Variants in FMNL2 observed in about 807,000 individuals in gnomAD.
FMNL2 encodes the protein formin like 2.
A neutral mutation model predicts 130.2 loss-of-function variants in FMNL2; 51 were observed. That is an observed-to-expected ratio of 0.39 (90% CI 0.31 to 0.49). FMNL2 has a LOEUF of 0.49. Ranked by LOEUF, FMNL2 falls within the 20% of genes least tolerant of loss-of-function variation. The pLI, the probability that FMNL2 is intolerant of heterozygous loss-of-function variation, is 0.85. For missense variants in FMNL2, 977 were observed against 1,316.2 expected (o/e 0.74, Z 3.99); for synonymous variants, 465 against 467.1 (o/e 1.00, Z 0.06).
intron 1 of FMNL2, among the ~76,000 whole-genome samples, chr2:152,345,754 C>T (rs1682083641): frequency 6.6e-6 from 1 of 152,198 alleles, no homozygotes; most frequent in African/African-American, 2.4e-5. Flanking sequence ...ACCATAAAGT[C>T]ACTCTACACC....
intron 6 of FMNL2, among the ~76,000 whole-genome samples, chr2:152,563,868 T>G (rs1407326687): frequency 3.9e-5 from 6 of 152,160 alleles, no homozygotes; most frequent in Non-Finnish European, 8.8e-5. Context: ...GCTTCTCCCC[T>G]CTTGCCTCTG....
intron 1 of FMNL2, among the ~76,000 whole-genome samples, chr2:152,443,854 A>C (rs1322724739): frequency 6.6e-6 from 1 of 152,128 alleles, no homozygotes; most frequent in Admixed American, 6.5e-5. Flanking sequence ...AAAAAGAAAA[A>C]AAGAAAAAAA....
At chr2:152,556,460 T>C (rs1048193016) in intron 4 of FMNL2, among the ~76,000 whole-genome samples, 4 of 151,820 alleles carry the variant, frequency 2.6e-5, no homozygotes, top group African/African-American at 9.7e-5. Flanking sequence ...GCCCTTTCAC[T>C]CAAAGTCAGG....
chr2:152,492,001 G>A (rs1035468587), intron 1 of FMNL2, among the ~76,000 whole-genome samples: 2 of 152,286 alleles, frequency 1.3e-5, no homozygotes, highest in African/African-American at 4.8e-5. Context: ...GTTATACTGA[G>A]CTAAAGTATA....
At chr2:152,485,087 G>A (rs1045852464) in intron 1 of FMNL2, among the ~76,000 whole-genome samples, 5 of 152,166 alleles carry the variant, frequency 3.3e-5, no homozygotes, top group Admixed American at 3.3e-4. Context: ...GCTGGGCATG[G>A]TGGCTCCCAG....
At chr2:152,398,012 C>T (rs760862727) in intron 1 of FMNL2, among the ~76,000 whole-genome samples, 27 of 152,250 alleles carry the variant, frequency 1.8e-4, no homozygotes, top group Non-Finnish European at 2.8e-4. Flanking sequence ...GTAATCCCAG[C>T]CTTGGGAGGC....
At chr2:152,396,656 A>T (rs775496709) in intron 1 of FMNL2, among the ~76,000 whole-genome samples, 5 of 152,068 alleles carry the variant, frequency 3.3e-5, no homozygotes, top group African/African-American at 4.8e-5. Context: ...TCCAGTTAAC[A>T]AGTATGTTTT....
intron 1 of FMNL2, among the ~76,000 whole-genome samples, chr2:152,468,979 G>A (rs1222723572): frequency 6.6e-6 from 1 of 152,176 alleles, no homozygotes; most frequent in Non-Finnish European, 1.5e-5. Flanking sequence ...CATACACAAT[G>A]CTTTATAGCC....
intron 8 of FMNL2, among the ~76,000 whole-genome samples, chr2:152,579,994 G>A (rs557621391): frequency 1.3e-5 from 2 of 152,260 alleles, no homozygotes; most frequent in South Asian, 2.1e-4. Flanking sequence ...AATGCAACAC[G>A]AACTATCAAG....
intron 15 of FMNL2, chr2:152,622,482 C>A: frequency 2.2e-6 from 1 of 456,718 alleles, no homozygotes; most frequent in Non-Finnish European, 4.4e-6. Flanking sequence ...CCACTTGACT[C>A]TAACCATATC....
chr2:152,550,927 C>T (rs1254892535), intron 4 of FMNL2, among the ~76,000 whole-genome samples: 1 of 152,004 alleles, frequency 6.6e-6, no homozygotes, highest in Non-Finnish European at 1.5e-5. Context: ...CACCTGAGGT[C>T]AGGAGTTCGA....
At chr2:152,633,053 A>G (rs1225643353) in intron 21 of FMNL2, among the ~76,000 whole-genome samples, 1 of 151,084 alleles carries the variant, frequency 6.6e-6, no homozygotes, top group Admixed American at 6.6e-5. Flanking sequence ...AAGATTTCTC[A>G]TACTGTATTA....
intron 1 of FMNL2, among the ~76,000 whole-genome samples, chr2:152,479,865 C>G (rs1012901027): frequency 6.6e-6 from 1 of 151,750 alleles, no homozygotes; most frequent in Non-Finnish European, 1.5e-5. Flanking sequence ...CACGTGCCAC[C>G]GCACCTGGTT....
chr2:152,597,474 A>G (rs890536316), intron 9 of FMNL2, among the ~76,000 whole-genome samples: 5 of 152,190 alleles, frequency 3.3e-5, no homozygotes, highest in Admixed American at 6.5e-5. Context: ...AGGGGTTGAG[A>G]TGTATAAAAT....
chr2:152,525,620 C>T (rs1033757395), intron 2 of FMNL2, among the ~76,000 whole-genome samples: 2 of 152,174 alleles, frequency 1.3e-5, no homozygotes, highest in African/African-American at 2.4e-5. Context: ...TTATATAAAG[C>T]GATGGAGAGA....
intron 15 of FMNL2, among the ~76,000 whole-genome samples, chr2:152,624,057 TCCCC>T (rs1681575961): frequency 2.1e-4 from 1 of 4,682 alleles, no homozygotes; most frequent in Non-Finnish European, 3.7e-4. Flanking sequence ...TCCCCTCCCC[TCCCC>T]TCCCCTCCCC....
intron 1 of FMNL2, among the ~76,000 whole-genome samples, chr2:152,382,462 C>G (rs944807261): frequency 1.3e-5 from 2 of 152,270 alleles, no homozygotes; most frequent in South Asian, 4.1e-4. Flanking sequence ...TCAGTGCTTC[C>G]TGGTGAGAAA....
At chr2:152,624,471 C>A (rs186537065) in intron 15 of FMNL2, among the ~76,000 whole-genome samples, 13 of 151,980 alleles carry the variant, frequency 8.6e-5, no homozygotes, top group Non-Finnish European at 1.5e-4. Flanking sequence ...CCTTCCCCCC[C>A]GCCCCTTTTA....
intron 1 of FMNL2, among the ~76,000 whole-genome samples, chr2:152,450,378 TC>T (rs1406316089): frequency 6.6e-6 from 1 of 152,234 alleles, no homozygotes; most frequent in Non-Finnish European, 1.5e-5. Context: ...TTTGCAGTGT[TC>T]CGTGGAGCGT....
Sources: allele counts gnomAD v4.1 joint callset (sites outside exome capture counted in the v4.1 genomes callset), GRCh38; gene constraint gnomAD v4.1.1; transcripts MANE v1.5; gene names NCBI Gene and HGNC (gene_info 2026-07-23, HGNC 2026-07-21).